The following SCHIP1 variants were observed in gnomAD, a reference collection of about 807,000 sequenced individuals.
SCHIP1 encodes the protein schwannomin interacting protein 1, also known as schwannomin-interacting protein 1.
A neutral mutation model predicts 29.7 loss-of-function variants in SCHIP1; 8 were observed. That is an observed-to-expected ratio of 0.27 (90% CI 0.16 to 0.49). SCHIP1 has a LOEUF of 0.49. Ranked by LOEUF, SCHIP1 falls within the 20% of genes least tolerant of loss-of-function variation. The pLI is 0.99. For synonymous variants in SCHIP1, 76 were observed against 94.9 expected (o/e 0.80, Z 1.16); for missense variants, 193 against 294.6 (o/e 0.66, Z 2.52).
At chr3:159,563,256 T>C in the SCHIP1 span, among the ~76,000 whole-genome samples, 1 of 152,290 alleles carries the variant, frequency 6.6e-6, no homozygotes, top group African/African-American at 2.4e-5. Flanking sequence ...TTAATATTAA[T>C]CCTCAATTAT....
the SCHIP1 span, among the ~76,000 whole-genome samples, chr3:159,523,952 AAC>A: frequency 6.6e-6 from 1 of 152,216 alleles, no homozygotes; most frequent in East Asian, 1.9e-4. Flanking sequence ...AATCTGAGTC[AAC>A]ACAGGCATTC....
chr3:159,580,554 T>C, the SCHIP1 span, among the ~76,000 whole-genome samples: 15 of 152,332 alleles, frequency 9.8e-5, 1 homozygote, highest in Middle Eastern at 3.4e-3. Context: ...AAAATATTTA[T>C]TGGATGAAAT....
the SCHIP1 span, among the ~76,000 whole-genome samples, chr3:159,305,649 G>A: frequency 6.6e-6 from 1 of 152,152 alleles, no homozygotes; most frequent in Non-Finnish European, 1.5e-5. Context: ...AGGGAGAAAG[G>A]AAGACAGAGT....
At chr3:159,494,624 C>T in the SCHIP1 span, among the ~76,000 whole-genome samples, 1 of 152,044 alleles carries the variant, frequency 6.6e-6, no homozygotes, top group Non-Finnish European at 1.5e-5. Context: ...AGCTTACTGA[C>T]CAAAAAAAGT....
the SCHIP1 span, among the ~76,000 whole-genome samples, chr3:159,518,011 G>A: frequency 6.6e-6 from 1 of 151,992 alleles, no homozygotes; most frequent in African/African-American, 2.4e-5. Context: ...TATGGAAATG[G>A]CAAAAAATAT....
At chr3:159,892,285 C>A in intron 6 of SCHIP1, 95 bp downstream of exon 7, 1 of 1,419,766 alleles carries the variant, frequency 7.0e-7, no homozygotes, top group Non-Finnish European at 9.8e-7. Flanking sequence ...ACTTCTTCCT[C>A]TACTTCCATA....
At chr3:159,536,362 T>C in the SCHIP1 span, among the ~76,000 whole-genome samples, 1 of 152,190 alleles carries the variant, frequency 6.6e-6, no homozygotes, top group Non-Finnish European at 1.5e-5. Context: ...ATTAGTGAGC[T>C]TGCAAACTTG....
the SCHIP1 span, among the ~76,000 whole-genome samples, chr3:159,795,456 C>T: frequency 1.3e-5 from 2 of 152,202 alleles, no homozygotes; most frequent in Non-Finnish European, 2.9e-5. Flanking sequence ...ATAGGTACTT[C>T]TGTTGGCTCA....
At chr3:159,474,129 A>C in the SCHIP1 span, among the ~76,000 whole-genome samples, 1 of 152,142 alleles carries the variant, frequency 6.6e-6, no homozygotes, top group African/African-American at 2.4e-5. Flanking sequence ...ATTATTCTCC[A>C]CTATCTGTTT....
At chr3:159,565,933 AC>A in the SCHIP1 span, among the ~76,000 whole-genome samples, 1 of 152,196 alleles carries the variant, frequency 6.6e-6, no homozygotes, top group African/African-American at 2.4e-5. Context: ...TAGGATAATC[AC>A]TTACTCTATA....
chr3:159,829,619 A>G, the SCHIP1 span, among the ~76,000 whole-genome samples: 5 of 152,348 alleles, frequency 3.3e-5, no homozygotes, highest in South Asian at 4.1e-4. Context: ...TTATCCTGCC[A>G]GGTGAAGTAG....
exon 1 of SCHIP1, chr3:159,840,062 T>C: frequency 6.7e-7 from 1 of 1,500,286 alleles, no homozygotes; most frequent in South Asian, 1.3e-5. Context: ...TCCATTTTAA[T>C]CTGCGGGGAG....
intron 1 of SCHIP1, chr3:159,853,524 C>G: frequency 1.6e-6 from 1 of 614,564 alleles, no homozygotes; most frequent in Non-Finnish European, 2.9e-6. Flanking sequence ...AAAGATCACC[C>G]TTGAGGAGTG....
chr3:159,591,323 G>T, the SCHIP1 span, among the ~76,000 whole-genome samples: 1 of 152,132 alleles, frequency 6.6e-6, no homozygotes, highest in East Asian at 1.9e-4. Flanking sequence ...GCTGGTGGGA[G>T]TGTAAATTAG....
chr3:159,493,117 G>A, the SCHIP1 span, among the ~76,000 whole-genome samples: 3 of 152,208 alleles, frequency 2.0e-5, no homozygotes, highest in Admixed American at 6.5e-5. Context: ...AACGTGGAAA[G>A]GAACAACAAG....
chr3:159,424,152 G>A, the SCHIP1 span, among the ~76,000 whole-genome samples: 1 of 151,926 alleles, frequency 6.6e-6, no homozygotes, highest in African/African-American at 2.4e-5. Flanking sequence ...TCCTCCAGAG[G>A]AACGCAGTTC....
chr3:159,587,920 A>G, the SCHIP1 span, among the ~76,000 whole-genome samples: 1 of 152,236 alleles, frequency 6.6e-6, no homozygotes, highest in Non-Finnish European at 1.5e-5. Flanking sequence ...ATAGTTCCAC[A>G]ATAAACATAC....
chr3:159,409,743 C>G, the SCHIP1 span, among the ~76,000 whole-genome samples: 72 of 152,210 alleles, frequency 4.7e-4, no homozygotes, highest in Non-Finnish European at 9.0e-4. Flanking sequence ...CCACCTCTAT[C>G]AAAATACCAA....
chr3:159,489,665 G>A, the SCHIP1 span, among the ~76,000 whole-genome samples: 3 of 151,892 alleles, frequency 2.0e-5, no homozygotes, highest in Non-Finnish European at 4.4e-5. Context: ...CAAAAATTGG[G>A]GGAAAATGCA....
Sources: gnomAD v4.1 joint callset for allele counts (sites outside exome capture counted in the v4.1 genomes callset) on GRCh38, gnomAD v4.1.1 for gene constraint, MANE v1.5 for transcripts, NCBI Gene and HGNC (gene_info 2026-07-23, HGNC 2026-07-21) for gene names.